Variants in BBS12 observed in about 807,000 individuals in gnomAD.
BBS12 encodes chaperonin-containing T-complex member BBS12.
Under a neutral mutation model 5.6 loss-of-function variants are expected in BBS12, and 5 were observed. That is an observed-to-expected ratio of 0.89 (90% CI 0.46 to 1.86). The LOEUF (loss-of-function observed/expected upper bound fraction) is 1.86. Among genes scored for constraint, BBS12 ranks in the 40% most tolerant of loss-of-function variants. BBS12 has a pLI of 0.01. For missense variants in BBS12, 748 were observed against 830.4 expected (o/e 0.90, Z 1.22); for synonymous variants, 308 against 306.8 (o/e 1.00, Z -0.04).
chr4:122,714,619 AATAAAT>A, the BBS12 span, among the ~76,000 whole-genome samples: 302 of 152,026 alleles, frequency 2.0e-3, 2 homozygotes, highest in Non-Finnish European at 3.4e-3. Context: ...GTCTCTACCA[AATAAAT>A]ATAAATATAT....
intron 1 of BBS12, among the ~76,000 whole-genome samples, chr4:122,733,425 A>ACACACACACACACACC (rs1560702542): frequency 8.5e-6 from 1 of 117,750 alleles, no homozygotes; most frequent in Non-Finnish European, 1.8e-5. Flanking sequence ...ACACACACAC[A>ACACACACACACACACC]TCCAGCCATT....
chr4:122,731,910 G>A (rs1800700887), upstream of BBS12: 1 of 152,142 alleles, frequency 6.6e-6, no homozygotes, highest in Non-Finnish European at 1.5e-5. Context: ...ACAAGATATC[G>A]TTTTGCTAAT....
At position 122,742,470 on chromosome 4, in the gene BBS12, C is replaced by CT. The variant is rs749052488; in HGVS notation, c.579dup (p.Leu194SerfsTer2). On this transcript the variant is annotated frameshift_variant, in exon 2 of 2. Coordinates refer to ENST00000314218, the MANE Select transcript of BBS12 (RefSeq NM_152618.3). LOFTEE classifies it low-confidence loss of function (END_TRUNC). Reference sequence around the variant, plus strand: ...ACCATTTCCAACCTTTCTGGGAGACCTCTTAAATCATATGAATTATTTAAA... The same window carrying CT: ...ACCATTTCCAACCTTTCTGGGAGACCTTCTTAAATCATATGAATTATTTAAA... 1 of 1,614,054 alleles carries CT rather than the reference C, an allele frequency of 6.2e-7. No individual in the cohort carries two copies. The highest frequency in any genetic ancestry group is 2.2e-5 in the East Asian group (1 of 44,882).
intron 1 of BBS12, chr4:122,733,941 G>T (rs915566942): frequency 1.0e-4 from 14 of 137,950 alleles, no homozygotes; most frequent in African/African-American, 3.6e-4. Flanking sequence ...CATTCTTGAA[G>T]CACTCTGTCA....
the BBS12 span, among the ~76,000 whole-genome samples, chr4:122,719,157 C>T: frequency 2.0e-5 from 3 of 152,134 alleles, no homozygotes; most frequent in East Asian, 5.8e-4. Flanking sequence ...AGAGGTGAAG[C>T]CGGCTGGGCT....
At chr4:122,705,361 C>T in the BBS12 span, among the ~76,000 whole-genome samples, 1 of 152,148 alleles carries the variant, frequency 6.6e-6, no homozygotes, top group Non-Finnish European at 1.5e-5. Context: ...AATCCTAGCA[C>T]TTTGGGAGGC....
chr4:122,707,044 C>CTT, the BBS12 span, among the ~76,000 whole-genome samples: 1 of 93,854 alleles, frequency 1.1e-5, no homozygotes, highest in Non-Finnish European at 1.9e-5. Flanking sequence ...TTTTGTCTCT[C>CTT]TCTCTCTCTC....
chr4:122,722,070 T>A, the BBS12 span, among the ~76,000 whole-genome samples: 156 of 152,344 alleles, frequency 1.0e-3, no homozygotes, highest in African/African-American at 3.6e-3. Flanking sequence ...TTACCTTTCA[T>A]ATCTAAATCC....
chr4:122,709,262 T>A, the BBS12 span, among the ~76,000 whole-genome samples: 1 of 152,202 alleles, frequency 6.6e-6, no homozygotes, highest in African/African-American at 2.4e-5. Context: ...GTGATTTTGG[T>A]CCATTTATGT....
intron 1 of BBS12, among the ~76,000 whole-genome samples, chr4:122,737,040 T>C (rs968534888): frequency 2.0e-5 from 3 of 152,192 alleles, no homozygotes; most frequent in African/African-American, 7.2e-5. Context: ...GCCTTTTGTA[T>C]CTAGGAAACT....
At chr4:122,711,555 T>G in the BBS12 span, among the ~76,000 whole-genome samples, 4 of 152,146 alleles carry the variant, frequency 2.6e-5, no homozygotes, top group Non-Finnish European at 5.9e-5. Context: ...ATCCACTGAG[T>G]AGTTCTATCC....
Position 122,742,303 on chromosome 4 carries a change from A to AT in BBS12, c.414dup (p.Asp139Ter), listed in dbSNP as rs1321960025. ...CTCTTCATGTACCTGTTCACAATAT[A>AT]TTTGACTGTATGGACAGCACAAAAA... On this transcript the variant is annotated frameshift_variant, in exon 2 of 2. Transcript: ENST00000314218. LOFTEE classifies it low-confidence loss of function (END_TRUNC). 1 of 1,613,952 alleles carries AT rather than the reference A, an allele frequency of 6.2e-7. No homozygotes were observed. Among genetic ancestry groups the AT allele is most frequent in the African/African-American group, 1.3e-5 (1 of 74,908 alleles).
chr4:122,721,889 C>G, the BBS12 span, among the ~76,000 whole-genome samples: 1 of 152,134 alleles, frequency 6.6e-6, no homozygotes, highest in Non-Finnish European at 1.5e-5. Flanking sequence ...TAAGCCTCTA[C>G]CTGTTGATGA....
rs1470071248 is a variant in BBS12 at position 122,744,656 on chromosome 4, A to G, written c.*631A>G. The stretch of plus-strand genomic sequence containing the variant: ...GCCAAACTTGAATTTTCACATGAGT[A>G]TGCCACTCTATCAGCTACTCTGATT... On this transcript the variant is annotated 3_prime_UTR_variant, in exon 2 of 2. Coordinates refer to ENST00000314218, the MANE Select transcript of BBS12 (RefSeq NM_152618.3). 3 of 167,392 alleles carry G rather than the reference A, an allele frequency of 1.8e-5. No individual in the cohort carries two copies. Among genetic ancestry groups the G allele is most frequent in the Admixed American group, 1.3e-4 (2 of 15,298 alleles). 10.4% of individuals were successfully genotyped at this position (167,392 alleles called of 1,614,324 possible). A position where few individuals can be genotyped will look rare whatever the true frequency, so the allele number is the denominator to read the frequency against.
the BBS12 span, among the ~76,000 whole-genome samples, chr4:122,703,025 T>C: frequency 2.0e-5 from 3 of 152,336 alleles, no homozygotes; most frequent in Non-Finnish European, 4.4e-5. Flanking sequence ...ATTTATACCA[T>C]CCCAATAAAA....
At chr4:122,718,331 C>A in the BBS12 span, among the ~76,000 whole-genome samples, 2 of 152,182 alleles carry the variant, frequency 1.3e-5, no homozygotes, top group Non-Finnish European at 2.9e-5. Context: ...AGCAGTCTCT[C>A]CCATTCATCT....
the BBS12 span, among the ~76,000 whole-genome samples, chr4:122,723,588 A>G: frequency 1.3e-5 from 2 of 152,102 alleles, no homozygotes; most frequent in African/African-American, 4.8e-5. Context: ...CTGTCTTTGG[A>G]GTTGCAAAAG....
the BBS12 span, among the ~76,000 whole-genome samples, chr4:122,711,263 T>C: frequency 5.2e-4 from 78 of 151,158 alleles, 2 homozygotes; most frequent in South Asian, 1.9e-3. Flanking sequence ...GAACACAAAA[T>C]GCTAACCTGG....
the BBS12 span, among the ~76,000 whole-genome samples, chr4:122,727,008 G>C: frequency 3.2e-4 from 49 of 152,282 alleles, no homozygotes; most frequent in African/African-American, 1.1e-3. Flanking sequence ...CAGTGATACT[G>C]CTCAGGTGAT....
Sources: gnomAD v4.1 joint callset for allele counts (sites outside exome capture counted in the v4.1 genomes callset) on GRCh38, gnomAD v4.1.1 for gene constraint, MANE v1.5 for transcripts, NCBI Gene and HGNC (gene_info 2026-07-23, HGNC 2026-07-21) for gene names.